The following LIFR variants were observed in gnomAD, a reference collection of about 807,000 sequenced individuals.
LIFR encodes LIF receptor subunit alpha, also known as leukemia inhibitory factor receptor.
A neutral mutation model predicts 122.2 loss-of-function variants in LIFR; 84 were observed. That is an observed-to-expected ratio of 0.69 (90% confidence interval 0.58 to 0.82). The LOEUF (loss-of-function observed/expected upper bound fraction) is 0.82, where lower values mean the gene tolerates loss of function less well. LIFR is among the 40% of genes least tolerant of loss of function. The pLI, the probability that LIFR is intolerant of heterozygous loss-of-function variation, is 0.00. For synonymous variants in LIFR, 422 were observed against 434.7 expected (o/e 0.97, Z 0.36); for missense variants, 1,294 against 1,311.6 (o/e 0.99, Z 0.21).
At chr5:38,511,115 C>T (rs1431688062) in intron 6 of LIFR, among the ~76,000 whole-genome samples, 1 of 152,110 alleles carries the variant, frequency 6.6e-6, no homozygotes, top group Non-Finnish European at 1.5e-5. Flanking sequence ...TTAAATAATT[C>T]CATTCCTTTT....
At chr5:38,554,804 G>A (rs1454545295) in intron 1 of LIFR, among the ~76,000 whole-genome samples, 1 of 152,188 alleles carries the variant, frequency 6.6e-6, no homozygotes, top group Non-Finnish European at 1.5e-5. Context: ...TCTCCAGTGT[G>A]AATAGATTAC....
intron 1 of LIFR, among the ~76,000 whole-genome samples, chr5:38,554,608 G>A (rs530442020): frequency 1.2e-4 from 18 of 152,278 alleles, no homozygotes; most frequent in Admixed American, 4.6e-4. Flanking sequence ...GGAGGGAAGC[G>A]GGGCAGGGGG....
rs1397227994 is a variant in LIFR, at chr5:38,474,672, T to C, written c.*6923A>G. Reference sequence around the variant, plus strand: ...GAGGACATAAACTAAAAACCATTACTTTAAAGACCAGTATTTATTATTTAT... The same window carrying C: ...GAGGACATAAACTAAAAACCATTACCTTAAAGACCAGTATTTATTATTTAT... On this transcript the variant is annotated 3_prime_UTR_variant, in exon 20 of 20. Transcript: ENST00000453190. Among the ~76,000 whole-genome samples the C allele has an allele frequency of 1.3e-5, 2 of 150,744 alleles. No individual in the cohort carries two copies. Among genetic ancestry groups the C allele is most frequent in the African/African-American group, 2.5e-5 (1 of 40,096 alleles).
intron 1 of LIFR, among the ~76,000 whole-genome samples, chr5:38,563,575 G>T (rs116753733): frequency 3.7e-4 from 56 of 152,290 alleles, no homozygotes; most frequent in African/African-American, 1.3e-3. Context: ...AATTTATAAT[G>T]ATTTAGAAGA....
chr5:38,560,604 T>TC (rs1640109954), upstream of LIFR, among the ~76,000 whole-genome samples: 1 of 146,244 alleles, frequency 6.8e-6, no homozygotes, highest in South Asian at 2.1e-4. Context: ...TGTTTTTTGT[T>TC]TTTTTTTTTT....
intron 5 of LIFR, among the ~76,000 whole-genome samples, chr5:38,518,394 A>G (rs1285712002): frequency 6.6e-6 from 1 of 152,138 alleles, no homozygotes; most frequent in Non-Finnish European, 1.5e-5. Flanking sequence ...TGTGAGGATA[A>G]AAAGAATCAA....
intron 1 of LIFR, among the ~76,000 whole-genome samples, chr5:38,553,013 C>T (rs1435088016): frequency 2.0e-5 from 3 of 152,208 alleles, no homozygotes; most frequent in Non-Finnish European, 2.9e-5. Context: ...ATCTTTCCCA[C>T]GTCTGTAAAC....
At position 38,535,729 on chromosome 5, in the gene LIFR, C is replaced by T. The variant is rs79746475; in HGVS notation, c.-19-5063G>A. Among the ~76,000 whole-genome samples, 87 of 152,266 alleles carry T rather than the reference C, an allele frequency of 5.7e-4. 1 individual carries two copies. In the East Asian group the frequency reaches 0.016, roughly 28 times the overall value. On this transcript the variant is annotated intron_variant, in intron 1 of 19. Coordinates refer to ENST00000453190, the MANE Select transcript of LIFR (RefSeq NM_001127671.2). The stretch of plus-strand genomic sequence containing the variant: ...TGTCCAAGCAGTACCTGGCACAAAG[C>T]AGACACCAAAAACTCTAAGCCAGCT...
rs376255937 is a variant in LIFR, at chr5:38,497,307, T to A, written c.1672-712A>T. Among the ~76,000 whole-genome samples, 19 of 152,008 alleles carry A rather than the reference T, an allele frequency of 1.2e-4. No homozygotes were observed. In the South Asian group the frequency reaches 3.7e-3, roughly 30 times the overall value. ...CAACAACAACAACAGCAAAAATGAA[T>A]CTCTCAACAGTGTAAAACACAGATT... On this transcript the variant is annotated intron_variant, in intron 12 of 19. Transcript: ENST00000453190.
At chr5:38,485,791 A>C in intron 17 of LIFR, 28 bp downstream of exon 17, 1 of 1,613,500 alleles carries the variant, frequency 6.2e-7, no homozygotes, top group South Asian at 1.1e-5. Context: ...CAGGATGGAA[A>C]GCACCTCAAC....
At chr5:38,504,278 C>T (rs1415203758) in intron 9 of LIFR, among the ~76,000 whole-genome samples, 157 bp from the exon 10 acceptor site, 2 of 152,014 alleles carry the variant, frequency 1.3e-5, no homozygotes, top group African/African-American at 4.8e-5. Context: ...AACCTAATTT[C>T]TACTACTGAC....
intron 1 of LIFR, among the ~76,000 whole-genome samples, chr5:38,553,587 G>T (rs1748320505): frequency 8.1e-6 from 1 of 122,820 alleles, no homozygotes; most frequent in South Asian, 2.8e-4. Context: ...GCAAGAGAAT[G>T]CCTTAAATTC....
At chr5:38,504,847 A>G (rs1170374886) in intron 9 of LIFR, among the ~76,000 whole-genome samples, 5 of 152,184 alleles carry the variant, frequency 3.3e-5, no homozygotes, top group African/African-American at 4.8e-5. Context: ...ACAACTGATA[A>G]AAGTGACTTA....
intron 11 of LIFR, among the ~76,000 whole-genome samples, chr5:38,502,123 A>G (rs1398527785): frequency 1.3e-5 from 2 of 152,186 alleles, no homozygotes; most frequent in Non-Finnish European, 2.9e-5. Flanking sequence ...TGGCTTTCTC[A>G]TAATTTATGC....
intron 1 of LIFR, among the ~76,000 whole-genome samples, chr5:38,555,519 T>G (rs1037240182): frequency 6.6e-6 from 1 of 152,152 alleles, no homozygotes; most frequent in Non-Finnish European, 1.5e-5. Flanking sequence ...AACTTTAAAC[T>G]GAAACTTTTC....
chr5:38,523,590 A>AC lies in LIFR; in HGVS notation c.398-9_398-8insG. On this transcript the variant is annotated splice_polypyrimidine_tract_variant and intron_variant, in intron 4 of 19. Transcript: ENST00000453190. ...GAGTATCTGGAATTAAGGCTTTAAA[A>AC]AGAGGAAACAAAAGAGAAAACTTAG... is the stretch of plus-strand genomic sequence containing the variant. 6.2e-7 allele frequency: 1 copy of AC among 1,608,416 alleles called. No homozygotes were observed. Among genetic ancestry groups the AC allele is most frequent in the Admixed American group, 1.7e-5 (1 of 59,946 alleles).
At chr5:38,563,816 GGCTCCA>G (rs1356707472) in intron 1 of LIFR, among the ~76,000 whole-genome samples, 1 of 152,130 alleles carries the variant, frequency 6.6e-6, no homozygotes, top group African/African-American at 2.4e-5. Flanking sequence ...ATGGCAGTCT[GGCTCCA>G]AAGCCCACAC....
chr5:38,501,398 G>A (rs1745168101), intron 11 of LIFR, among the ~76,000 whole-genome samples: 2 of 152,192 alleles, frequency 1.3e-5, no homozygotes, highest in Non-Finnish European at 2.9e-5. Context: ...TTTGGAGGAA[G>A]TATTATACTG....
chr5:38,478,357 T>TCAGTGAATGG lies in LIFR; in HGVS notation c.*3237_*3238insCCATTCACTG, dbSNP rs1268223774. On this transcript the variant is annotated 3_prime_UTR_variant, in exon 20 of 20. Coordinates refer to ENST00000453190, the MANE Select transcript of LIFR (RefSeq NM_001127671.2). ...TGGAAAATGAGGTTGATACTTCCTC[T>TCAGTGAATGG]CTTAAGCTTCTCAGTGAATGGCTGC... 1.5e-5 allele frequency: 3 copies of TCAGTGAATGG among 205,690 alleles called. No homozygotes were observed. The highest frequency in any genetic ancestry group is 6.8e-5 in the African/African-American group (3 of 43,852). 12.7% of individuals were successfully genotyped at this position (205,690 alleles called of 1,614,324 possible). A position where few individuals can be genotyped will look rare whatever the true frequency, so the allele number is the denominator to read the frequency against.
Sources: gnomAD v4.1 joint callset for allele counts (sites outside exome capture counted in the v4.1 genomes callset) on GRCh38, gnomAD v4.1.1 for gene constraint, MANE v1.5 for transcripts, NCBI Gene and HGNC (gene_info 2026-07-23, HGNC 2026-07-21) for gene names.